Variants in RPS6KA5 observed in about 807,000 individuals in gnomAD.
RPS6KA5 encodes ribosomal protein S6 kinase A5.
A neutral mutation model predicts 85.5 loss-of-function variants in RPS6KA5; 27 were observed. The ratio of observed to expected loss-of-function variants is 0.32; its 90% CI spans 0.23 to 0.44. The LOEUF is 0.44. Ranked by LOEUF, RPS6KA5 falls within the 20% of genes least tolerant of loss-of-function variation. RPS6KA5 has a pLI of 1.00. For missense variants in RPS6KA5, 811 were observed against 980.9 expected, an observed-to-expected ratio of 0.83 and a Z score of 2.31; for synonymous variants, 334 against 348.2, an observed-to-expected ratio of 0.96 and a Z score of 0.46.
chr14:91,026,693 T>G (rs2042003938), intron 1 of RPS6KA5, among the ~76,000 whole-genome samples: 1 of 152,178 alleles, frequency 6.6e-6, no homozygotes, highest in Admixed American at 6.5e-5. Context: ...CAAATGGTAG[T>G]TCTAAGTTTT....
intron 3 of RPS6KA5, among the ~76,000 whole-genome samples, chr14:90,972,190 T>G (rs2039351073): frequency 6.6e-6 from 1 of 152,222 alleles, no homozygotes; most frequent in Non-Finnish European, 1.5e-5. Flanking sequence ...AATTAATTTT[T>G]TAATTTACAG....
At chr14:90,891,384 C>A (rs924703443) in intron 13 of RPS6KA5, among the ~76,000 whole-genome samples, 1 of 151,852 alleles carries the variant, frequency 6.6e-6, no homozygotes, top group Non-Finnish European at 1.5e-5. Context: ...TATTTTGAAT[C>A]ATTCATCCAC....
At chr14:91,035,935 T>A in intron 1 of RPS6KA5, among the ~76,000 whole-genome samples, 1 of 121,562 alleles carries the variant, frequency 8.2e-6, no homozygotes, top group Non-Finnish European at 1.6e-5. Flanking sequence ...TTAGGTATCT[T>A]CAAGCAAGCA....
At chr14:90,890,389 A>AT (rs1440251349) in intron 14 of RPS6KA5, 98 bp downstream of exon 14, 14 of 1,118,894 alleles carry the variant, frequency 1.3e-5, no homozygotes, top group Non-Finnish European at 1.7e-5. Context: ...CACTTTGCCA[A>AT]TTTTTTCATG....
intron 1 of RPS6KA5, among the ~76,000 whole-genome samples, chr14:91,026,058 C>T (rs897466320): frequency 6.6e-6 from 1 of 152,108 alleles, no homozygotes; most frequent in African/African-American, 2.4e-5. Flanking sequence ...CAATGTTTAG[C>T]TCCCACTTAC....
At chr14:91,048,980 T>C (rs963939432) in intron 1 of RPS6KA5, among the ~76,000 whole-genome samples, 2 of 152,216 alleles carry the variant, frequency 1.3e-5, no homozygotes, top group African/African-American at 4.8e-5. Context: ...GAATATTTCC[T>C]TGCTTTGGAG....
In RPS6KA5 at chr14:90,890,361, G is replaced by A. The variant is rs540747002; in HGVS notation, c.1836+126C>T. 1.0e-4 allele frequency: 64 copies of A among 617,800 alleles called. No homozygotes were observed. The African/African-American group carries it at 1.1e-3, about 10-fold the overall frequency. The allele number at this position is 617,800 out of a possible 1,614,324, so 38.3% of individuals were successfully genotyped here. On this transcript the variant is annotated intron_variant, in intron 14 of 16. Transcript: ENST00000614987. ...TACTATTCAGTCAGGCCTCTAACTG[G>A]CTGTACAGAAAAGAAACCACTTTGC...
chr14:91,059,508 C>T (rs535964057), intron 1 of RPS6KA5, among the ~76,000 whole-genome samples: 39 of 152,166 alleles, frequency 2.6e-4, no homozygotes, highest in Non-Finnish European at 4.6e-4. Flanking sequence ...GAATATAAAT[C>T]CAAATTGTAC....
rs188644622 is a variant in RPS6KA5, at chr14:90,970,553, C to T, written c.394+7753G>A. ...TTGCTTATTTAACATCTTGTGAATT[C>T]TGATTAATGTAACAATTTATTACAG... is the stretch of plus-strand genomic sequence containing the variant. On this transcript the variant is annotated intron_variant, in intron 3 of 16. Coordinates refer to ENST00000614987, the MANE Select transcript of RPS6KA5 (RefSeq NM_004755.4). Among the ~76,000 whole-genome samples, 24 of 152,300 alleles carry T rather than the reference C, an allele frequency of 1.6e-4. 1 individual carries two copies. In the East Asian group the frequency reaches 4.6e-3, roughly 29 times the overall value.
intron 13 of RPS6KA5, among the ~76,000 whole-genome samples, chr14:90,892,344 T>C (rs186123585): frequency 1.3e-5 from 2 of 152,274 alleles, no homozygotes; most frequent in East Asian, 3.9e-4. Flanking sequence ...GATGTGGCAA[T>C]CACTTTAATT....
chr14:91,006,211 A>G (rs2041012713), intron 1 of RPS6KA5, among the ~76,000 whole-genome samples: 1 of 152,122 alleles, frequency 6.6e-6, no homozygotes, highest in Non-Finnish European at 1.5e-5. Context: ...CAGCCTCCCC[A>G]CAAGGCCTCT....
At chr14:90,876,642 G>C (rs1405091229) in intron 14 of RPS6KA5, among the ~76,000 whole-genome samples, 7 of 152,158 alleles carry the variant, frequency 4.6e-5, no homozygotes, top group Non-Finnish European at 7.4e-5. Context: ...TGGTGGGTTG[G>C]CTGGTGTTAA....
chr14:91,003,148 T>C (rs1227695785), intron 1 of RPS6KA5, among the ~76,000 whole-genome samples: 2 of 152,148 alleles, frequency 1.3e-5, no homozygotes, highest in African/African-American at 4.8e-5. Context: ...GTGTCAAAAA[T>C]AATTACTCCT....
At chr14:91,036,354 AC>A (rs1416131848) in intron 1 of RPS6KA5, among the ~76,000 whole-genome samples, 2 of 152,226 alleles carry the variant, frequency 1.3e-5, no homozygotes, top group Non-Finnish European at 2.9e-5. Flanking sequence ...TCAGTTTAGA[AC>A]TAAACTCTAC....
chr14:90,931,485 CACAA>C (rs1373082222), intron 5 of RPS6KA5, among the ~76,000 whole-genome samples: 1 of 151,840 alleles, frequency 6.6e-6, no homozygotes, highest in Admixed American at 6.6e-5. Context: ...ACCATATATT[CACAA>C]ACAGTTAAGA....
At chr14:90,979,004 A>T (rs2039683960) in intron 2 of RPS6KA5, among the ~76,000 whole-genome samples, 1 of 152,266 alleles carries the variant, frequency 6.6e-6, no homozygotes, top group African/African-American at 2.4e-5. Flanking sequence ...AGCCTAAAGC[A>T]ACATAAGCTG....
intron 1 of RPS6KA5, among the ~76,000 whole-genome samples, chr14:91,044,431 AAGAAAGAAAG>A (rs2042780223): frequency 7.1e-6 from 1 of 141,160 alleles, no homozygotes; most frequent in African/African-American, 2.8e-5. Context: ...GAAAGAAAGA[AAGAAAGAAAG>A]AAAGAAAATT....
chr14:91,049,683 T>C (rs1055161133), intron 1 of RPS6KA5, among the ~76,000 whole-genome samples: 1 of 152,090 alleles, frequency 6.6e-6, no homozygotes, highest in African/African-American at 2.4e-5. Flanking sequence ...CACACACATA[T>C]TCAGTATGCG....
chr14:90,924,042 T>C (rs1411042247), intron 5 of RPS6KA5, among the ~76,000 whole-genome samples: 1 of 152,168 alleles, frequency 6.6e-6, no homozygotes, highest in African/African-American at 2.4e-5. Flanking sequence ...CATTTTAGCT[T>C]ATCTGGTGCT....
Sources: gnomAD v4.1 joint callset for allele counts (sites outside exome capture counted in the v4.1 genomes callset) on GRCh38, gnomAD v4.1.1 for gene constraint, MANE v1.5 for transcripts, NCBI Gene and HGNC (gene_info 2026-07-23, HGNC 2026-07-21) for gene names.